Variants in ODAD3 observed in about 807,000 individuals in gnomAD.
ODAD3 encodes the protein outer dynein arm docking complex subunit 3.
A neutral mutation model predicts 70.9 loss-of-function variants in ODAD3; 57 were observed. The ratio of observed to expected loss-of-function variants is 0.80; its 90% CI spans 0.65 to 1.00. The LOEUF is 1.00. ODAD3 is among the 50% of genes least tolerant of loss of function. The pLI, the probability that ODAD3 is intolerant of heterozygous loss-of-function variation, is 0.00. For synonymous variants in ODAD3, 327 were observed against 315.9 expected (o/e 1.04, Z -0.37); for missense variants, 797 against 763.9 (o/e 1.04, Z -0.51).
At chr19:11,424,432 G>A (rs921991621) in intron 7 of ODAD3, among the ~76,000 whole-genome samples, 11 of 151,136 alleles carry the variant, frequency 7.3e-5, no homozygotes, top group Non-Finnish European at 1.3e-4. Context: ...AGCCCAGGAG[G>A]TCGAGACTGC....
In ODAD3 at chr19:11,423,853, G is replaced by A. The variant is rs544378188; in HGVS notation, c.1116+24C>T. On this transcript the variant is annotated intron_variant, in intron 8 of 12. Transcript: ENST00000356392. ...TCTGGGGTGGGGGGGGGGCGCGGCGGAGAGGGCTGCGGGCAGAACTCACGT... is the reference window on the plus strand; with the variant it reads ...TCTGGGGTGGGGGGGGGGCGCGGCGAAGAGGGCTGCGGGCAGAACTCACGT... 8 of 1,586,026 alleles carry A rather than the reference G, an allele frequency of 5.0e-6. No homozygotes were observed. The South Asian group carries it at 6.7e-5, about 13-fold the overall frequency.
chr19:11,425,601 ATGTG>A (rs1223624982), intron 7 of ODAD3, among the ~76,000 whole-genome samples: 2 of 131,862 alleles, frequency 1.5e-5, no homozygotes, highest in Non-Finnish European at 3.0e-5. Flanking sequence ...ATGTGTATAT[ATGTG>A]TGTGTATATA....
rs1302357233 is a variant in ODAD3, at chr19:11,424,040, G to A, written c.964-11C>T. ...GTGCTCGCGGTGGGTCTGCTCGTGGGTTGAGGTCAGAGCCAGGGTCAGCTG... is the reference window on the plus strand; with the variant it reads ...GTGCTCGCGGTGGGTCTGCTCGTGGATTGAGGTCAGAGCCAGGGTCAGCTG... On this transcript the variant is annotated splice_polypyrimidine_tract_variant and intron_variant, in intron 7 of 12. Transcript: ENST00000356392. 6.2e-7 allele frequency: 1 copy of A among 1,604,198 alleles called. No individual in the cohort carries two copies. The highest frequency in any genetic ancestry group is 8.5e-7 in the Non-Finnish European group (1 of 1,178,252).
chr19:11,425,333 GTGTA>G lies in ODAD3; in HGVS notation c.963+807_963+810del, dbSNP rs1969306616. Among the ~76,000 whole-genome samples, 3 of 130,726 alleles carry G rather than the reference GTGTA, an allele frequency of 2.3e-5. 1 individual carries two copies. Among genetic ancestry groups the G allele is most frequent in the African/African-American group, 1.0e-4 (3 of 29,328 alleles). 85.8% of individuals were successfully genotyped at this position (130,726 alleles called of 152,430 possible). A position where few individuals can be genotyped will look rare whatever the true frequency, so the allele number is the denominator to read the frequency against. On this transcript the variant is annotated intron_variant, in intron 7 of 12. Coordinates refer to ENST00000356392, the MANE Select transcript of ODAD3 (RefSeq NM_145045.5). Reference sequence around the variant, plus strand: ...TGTACATATGTGTATATGTACATATGTGTATATATGTATATATGTGTATATGTAC... The same window carrying G: ...TGTACATATGTGTATATGTACATATGTATATGTATATATGTGTATATGTAC...
rs1444450984 is a variant in ODAD3, at chr19:11,434,818, C to G, written c.199G>C (p.Val67Leu). Residue 67 changes from valine (V) to leucine (L), a missense_variant, in exon 1 of 13, where the codon GTG (valine) becomes CTG (leucine). Val to Leu is a conservative substitution (Grantham distance 32, BLOSUM62 1). Coordinates refer to ENST00000356392, the MANE Select transcript of ODAD3 (RefSeq NM_145045.5). ...TGTAACTCAGCCACCTGAGAGTGCA[C>G]AGAGGGCTTCCCTGCACCTCTGTGG... ...SFHRGAGKPS[V>L]HSQVAELHKK... 6.2e-7 allele frequency: 1 copy of G among 1,614,132 alleles called. No homozygotes were observed. The highest frequency in any genetic ancestry group is 8.5e-7 in the Non-Finnish European group (1 of 1,179,988).
At chr19:11,423,561 G>A (rs1247659632) in intron 8 of ODAD3, among the ~76,000 whole-genome samples, 11 of 152,202 alleles carry the variant, frequency 7.2e-5, no homozygotes, top group African/African-American at 1.2e-4. Flanking sequence ...CAGAACAAGA[G>A]ACGAAACTCC....
At chr19:11,433,059 G>C (rs1201807547) in intron 1 of ODAD3, among the ~76,000 whole-genome samples, 1 of 152,010 alleles carries the variant, frequency 6.6e-6, no homozygotes, top group Non-Finnish European at 1.5e-5. Flanking sequence ...CTCCCAAAGT[G>C]CTGGGATTAC....
chr19:11,424,367 G>A (rs999973599), intron 7 of ODAD3, among the ~76,000 whole-genome samples: 21 of 151,712 alleles, frequency 1.4e-4, no homozygotes, highest in Non-Finnish European at 2.5e-4. Flanking sequence ...AGCAGGGCGT[G>A]GTGGGGCGCC....
At chr19:11,426,630 G>C in intron 5 of ODAD3, 53 bp downstream of exon 5, 1 of 1,613,484 alleles carries the variant, frequency 6.2e-7, no homozygotes, top group Non-Finnish European at 8.5e-7. Context: ...GCTGTCCCTA[G>C]CCAAGCCCGC....
chr19:11,435,194 C>G (rs1253577219), upstream of ODAD3: 1 of 1,428,102 alleles, frequency 7.0e-7, no homozygotes, highest in East Asian at 2.5e-5. Context: ...TCTCTCTCCA[C>G]TGTTTCCATG....
At chr19:11,426,818 C>G in intron 4 of ODAD3, 34 bp from the exon 5 acceptor site, 1 of 1,613,282 alleles carries the variant, frequency 6.2e-7, no homozygotes, top group Non-Finnish European at 8.5e-7. Context: ...GAGGGCCCTC[C>G]GCACTCAATC....
Position 11,430,777 on chromosome 19 carries a change from C to T in ODAD3, c.367-1G>A, listed in dbSNP as rs1186608353. ...CTGCCTGGACCACTTTCTCATCTCCCTGCAAGGAGGGAAGTCCAGTCACCT... is the reference window on the plus strand; with the variant it reads ...CTGCCTGGACCACTTTCTCATCTCCTTGCAAGGAGGGAAGTCCAGTCACCT... On this transcript the variant is annotated splice_acceptor_variant, in intron 2 of 12. Coordinates refer to ENST00000356392, the MANE Select transcript of ODAD3 (RefSeq NM_145045.5). LOFTEE classifies it high-confidence loss of function. The T allele has an allele frequency of 1.9e-6, 3 of 1,613,980 alleles. No individual in the cohort carries two copies. The highest frequency in any genetic ancestry group is 2.5e-6 in the Non-Finnish European group (3 of 1,180,020).
Position 11,422,076 on chromosome 19 carries a change from G to A in ODAD3, c.1435-244C>T, listed in dbSNP as rs1257435035. On this transcript the variant is annotated intron_variant, in intron 10 of 12. Coordinates refer to ENST00000356392, the MANE Select transcript of ODAD3 (RefSeq NM_145045.5). This position sits in a 1 kb window ranked among gnomAD's most constrained non-coding sequence, Gnocchi z 4.6. ...CTCTTGGGAACAGTAAGGATTCGAG[G>A]GAGGCCATTGTGGGATGGCCTCCTG... Among the ~76,000 whole-genome samples the A allele has an allele frequency of 6.6e-6, 1 of 152,306 alleles. No homozygotes were observed. Among genetic ancestry groups the A allele is most frequent in the East Asian group, 1.9e-4 (1 of 5,174 alleles).
Position 11,430,637 on chromosome 19 carries a change from G to C in ODAD3, c.444+62C>G. On this transcript the variant is annotated intron_variant, in intron 3 of 12. Coordinates refer to ENST00000356392, the MANE Select transcript of ODAD3 (RefSeq NM_145045.5). ...AAGGATTGGAGAGGGTGAGCCTGGA[G>C]TCCAGTGGTGAGGGGACCCAGGCTG... 4 of 1,484,998 alleles carry C rather than the reference G, an allele frequency of 2.7e-6. No individual in the cohort carries two copies. The South Asian group carries it at 4.5e-5, about 17-fold the overall frequency. The allele number at this position is 1,484,998 out of a possible 1,614,324, so 92.0% of individuals were successfully genotyped here.
chr19:11,434,795 T>C lies in ODAD3; in HGVS notation c.222A>G (p.Leu74=), dbSNP rs1969619431. Residue 74 remains leucine, a synonymous_variant, in exon 1 of 13, where the codon TTA becomes TTG. Coordinates refer to ENST00000356392, the MANE Select transcript of ODAD3 (RefSeq NM_145045.5). ...KPSVHSQVAE[L]HKKIQLLEGD... ...TACCTAACAGTTGTATCTTTTTATG[T>C]AACTCAGCCACCTGAGAGTGCACAG... 6.2e-7 allele frequency: 1 copy of C among 1,613,570 alleles called. No homozygotes were observed. The highest frequency in any genetic ancestry group is 1.1e-5 in the South Asian group (1 of 91,062).
rs1183871433 is a variant in ODAD3 at position 11,426,885 on chromosome 19, C to G, written c.600G>C (p.Thr200=). ...CACCCGCCCCTACCTTGGCCACCTC[C>G]GTGTGTCTGTTTTGCGCCTCCGCCA... The part of the protein sequence containing the change: ...LEMAEAQNRH[T]EVAKTMRNLE... The change falls in exon 4 of 13, where the codon ACG becomes ACC. Residue 200 remains threonine (T), a synonymous_variant. Coordinates refer to ENST00000356392, the MANE Select transcript of ODAD3 (RefSeq NM_145045.5). 1.2e-6 allele frequency: 2 copies of G among 1,609,336 alleles called. No individual in the cohort carries two copies. The highest frequency in any genetic ancestry group is 1.3e-5 in the African/African-American group (1 of 74,866).
chr19:11,430,171 CTT>C (rs912088785), intron 3 of ODAD3, among the ~76,000 whole-genome samples: 4 of 151,896 alleles, frequency 2.6e-5, no homozygotes, highest in South Asian at 2.1e-4. Context: ...GAGTTTCGCT[CTT>C]GTTGCCCAGG....
At chr19:11,427,169 C>A (rs1599463163) in intron 3 of ODAD3, 129 bp from the exon 4 acceptor site, 2 of 943,192 alleles carry the variant, frequency 2.1e-6, no homozygotes, top group East Asian at 5.3e-5. Context: ...TACCCACCTC[C>A]CTGGCCACCC....
chr19:11,421,180 T>C lies in ODAD3; in HGVS notation c.1623A>G (p.Glu541=), dbSNP rs1327573230. ...FLASLEGRLP[E]YNTRIALPLA... ...GGGGCAGGGCGATGCGGGTGTTGTA[T>C]TCGGGCAGCCTTCCCTCTAAGCTGG... The change falls in exon 12 of 13, where the codon GAA becomes GAG. Residue 541 remains glutamate (E), a synonymous_variant. Transcript: ENST00000356392. 1 of 1,613,550 alleles carries C rather than the reference T, an allele frequency of 6.2e-7. No homozygotes were observed. Among genetic ancestry groups the C allele is most frequent in the Non-Finnish European group, 8.5e-7 (1 of 1,179,928 alleles).
Sources: gnomAD v4.1 joint callset for allele counts (sites outside exome capture counted in the v4.1 genomes callset) on GRCh38, gnomAD v4.1.1 for gene constraint, Gnocchi (gnomAD v3.1) non-coding constraint, MANE v1.5 for transcripts, NCBI Gene and HGNC (gene_info 2026-07-23, HGNC 2026-07-21) for gene names.